The following ZNF704 variants were observed in gnomAD, a reference collection of about 807,000 sequenced individuals.
ZNF704 encodes the protein glucocorticoid induced gene 1.
In ZNF704, 10 loss-of-function variants were observed where a neutral mutation model predicts 44.7. That is an observed-to-expected ratio of 0.22 (90% CI 0.14 to 0.38). The LOEUF (loss-of-function observed/expected upper bound fraction) is 0.38. Ranked by LOEUF, ZNF704 falls within the 10% of genes least tolerant of loss-of-function variation. The pLI, the probability that ZNF704 is intolerant of heterozygous loss-of-function variation, is 1.00. For missense variants in ZNF704, 390 were observed against 545.5 expected (o/e 0.71, Z 2.84); for synonymous variants, 211 against 207.6 (o/e 1.02, Z -0.14).
At chr8:80,828,753 G>A (rs1472106620) in intron 1 of ZNF704, among the ~76,000 whole-genome samples, 2 of 152,158 alleles carry the variant, frequency 1.3e-5, no homozygotes, top group Non-Finnish European at 2.9e-5. Flanking sequence ...GACTGGTAAA[G>A]GAAGGTATTA....
At chr8:80,715,879 A>G (rs1240620945) in intron 2 of ZNF704, among the ~76,000 whole-genome samples, 2 of 152,150 alleles carry the variant, frequency 1.3e-5, no homozygotes, top group African/African-American at 4.8e-5. Context: ...CAGGAGTTTG[A>G]GACCAGCCTG....
intron 1 of ZNF704, among the ~76,000 whole-genome samples, chr8:80,846,574 A>G (rs577012048): frequency 1.3e-5 from 2 of 152,322 alleles, no homozygotes; most frequent in South Asian, 4.1e-4. Context: ...TAATTTTAAC[A>G]TTGTCAAAGC....
intron 2 of ZNF704, among the ~76,000 whole-genome samples, chr8:80,733,660 G>C (rs1355143185): frequency 6.6e-6 from 1 of 152,112 alleles, no homozygotes; most frequent in Non-Finnish European, 1.5e-5. Context: ...ATCCTACAGG[G>C]CTGTCAAAAG....
At chr8:80,820,680 C>A (rs754927118) in intron 2 of ZNF704, among the ~76,000 whole-genome samples, 1 of 152,000 alleles carries the variant, frequency 6.6e-6, no homozygotes, top group Non-Finnish European at 1.5e-5. Flanking sequence ...GTGGGAGAAT[C>A]GCTTGAGCTC....
intron 2 of ZNF704, among the ~76,000 whole-genome samples, chr8:80,728,017 C>T (rs1469903913): frequency 6.6e-6 from 1 of 152,120 alleles, no homozygotes; most frequent in Non-Finnish European, 1.5e-5. Context: ...GAGTTACAGT[C>T]TGTGTGATTC....
intron 4 of ZNF704, among the ~76,000 whole-genome samples, chr8:80,675,755 AT>A (rs996066180): frequency 6.6e-6 from 1 of 152,100 alleles, no homozygotes; most frequent in African/African-American, 2.4e-5. Flanking sequence ...AGTTTTGGAT[AT>A]GTTAATTTTG....
At chr8:80,669,511 T>C (rs2131614684) in intron 5 of ZNF704, among the ~76,000 whole-genome samples, 1 of 152,332 alleles carries the variant, frequency 6.6e-6, no homozygotes, top group Non-Finnish European at 1.5e-5. Context: ...TCCCTGTTTC[T>C]CTCCATGGTC....
the ZNF704 span, among the ~76,000 whole-genome samples, chr8:80,881,038 A>C: frequency 6.6e-6 from 1 of 152,200 alleles, no homozygotes; most frequent in African/African-American, 2.4e-5. Flanking sequence ...TGCTTCTCAA[A>C]GACTTAGGTT....
chr8:80,669,517 T>C (rs1407272619), intron 5 of ZNF704, among the ~76,000 whole-genome samples: 4 of 152,234 alleles, frequency 2.6e-5, no homozygotes, highest in Non-Finnish European at 4.4e-5. Context: ...TTTCTCTCCA[T>C]GGTCACTATG....
intron 1 of ZNF704, among the ~76,000 whole-genome samples, chr8:80,853,383 A>G (rs944860254): frequency 4.6e-5 from 7 of 152,160 alleles, no homozygotes; most frequent in African/African-American, 1.7e-4. Flanking sequence ...ACAACAATCT[A>G]TGAAAAATGA....
intron 1 of ZNF704, among the ~76,000 whole-genome samples, chr8:80,867,095 C>T (rs1280557695): frequency 6.6e-6 from 1 of 152,142 alleles, no homozygotes; most frequent in African/African-American, 2.4e-5. Context: ...AGTTTACTAT[C>T]AGCACCACAC....
chr8:80,695,432 G>C (rs942677035), intron 2 of ZNF704, among the ~76,000 whole-genome samples: 1 of 152,334 alleles, frequency 6.6e-6, no homozygotes. Context: ...TTAAGAACCA[G>C]GATAGGAGGC....
At chr8:80,834,705 C>T (rs1211774388) in intron 1 of ZNF704, among the ~76,000 whole-genome samples, 2 of 152,072 alleles carry the variant, frequency 1.3e-5, no homozygotes, top group Non-Finnish European at 2.9e-5. Flanking sequence ...CCTGACAGGC[C>T]CCGGTGTGTG....
intron 2 of ZNF704, among the ~76,000 whole-genome samples, chr8:80,708,843 T>C (rs1818938421): frequency 7.7e-6 from 1 of 130,166 alleles, no homozygotes; most frequent in Non-Finnish European, 1.5e-5. Flanking sequence ...CTTCTTTCCT[T>C]TTTTTTTTTG....
At chr8:80,742,561 T>G (rs762110857) in intron 2 of ZNF704, among the ~76,000 whole-genome samples, 1 of 152,198 alleles carries the variant, frequency 6.6e-6, no homozygotes, top group Admixed American at 6.5e-5. Context: ...AGGGTATTAT[T>G]TGAATACATT....
At chr8:80,822,265 TCC>T (rs1335712643) in intron 1 of ZNF704, among the ~76,000 whole-genome samples, 4 of 138,078 alleles carry the variant, frequency 2.9e-5, no homozygotes, top group African/African-American at 9.2e-5. Context: ...TGCTATCCCT[TCC>T]CCCCCGCCCC....
intron 2 of ZNF704, among the ~76,000 whole-genome samples, chr8:80,731,311 G>A (rs1277719224): frequency 2.0e-5 from 3 of 152,062 alleles, no homozygotes; most frequent in Non-Finnish European, 2.9e-5. Flanking sequence ...CTAAATAAAC[G>A]AGCTGGGTAT....
At position 80,819,406 on chromosome 8, in the gene ZNF704, C is replaced by T. The variant is rs543802349; in HGVS notation, c.221+1968G>A. Among the ~76,000 whole-genome samples, 84 of 152,190 alleles carry T rather than the reference C, an allele frequency of 5.5e-4. 1 individual carries two copies. The highest frequency in any genetic ancestry group is 3.4e-3 in the Middle Eastern group (1 of 294). On this transcript the variant is annotated intron_variant, in intron 2 of 8. Transcript: ENST00000327835. Reference sequence around the variant, plus strand: ...AAGAATAAAGGTATACTTAAAACAACCTATGGCAATTTAAAATGATTAATT... The same window carrying T: ...AAGAATAAAGGTATACTTAAAACAATCTATGGCAATTTAAAATGATTAATT...
chr8:80,863,574 C>T (rs911863851), intron 1 of ZNF704, among the ~76,000 whole-genome samples: 9 of 152,146 alleles, frequency 5.9e-5, no homozygotes, highest in African/African-American at 1.9e-4. Flanking sequence ...TTTTACACAT[C>T]TATAAAATGG....
Sources: gnomAD v4.1 joint callset for allele counts (sites outside exome capture counted in the v4.1 genomes callset) on GRCh38, gnomAD v4.1.1 for gene constraint, MANE v1.5 for transcripts, NCBI Gene and HGNC (gene_info 2026-07-23, HGNC 2026-07-21) for gene names.